Variants in TRDN observed in about 807,000 individuals in gnomAD.
TRDN encodes the protein triadin.
TRDN carries 161 observed loss-of-function variants against 149.7 expected under a neutral mutation model. That is an observed-to-expected ratio of 1.08 (90% CI 0.95 to 1.23). The LOEUF is 1.23. Ranked by LOEUF, TRDN falls within the 50% of genes most tolerant of loss-of-function variation. The pLI is 0.00. For synonymous variants in TRDN, 294 were observed against 250.5 expected (o/e 1.17, Z -1.64); for missense variants, 896 against 823.5 (o/e 1.09, Z -1.08).
intron 26 of TRDN, among the ~76,000 whole-genome samples, chr6:123,274,895 G>C (rs1777319903): frequency 6.6e-6 from 1 of 151,952 alleles, no homozygotes; most frequent in Non-Finnish European, 1.5e-5. Context: ...GTTTTACACT[G>C]GTTTGCCAAT....
chr6:123,254,372 T>C (rs1298060911), intron 37 of TRDN, among the ~76,000 whole-genome samples: 1 of 152,038 alleles, frequency 6.6e-6, no homozygotes, highest in Non-Finnish European at 1.5e-5. Flanking sequence ...CAGTGAGCAG[T>C]AAAAGGGAGT....
chr6:123,617,494 G>T lies in TRDN; in HGVS notation c.22+19260C>A, dbSNP rs139633699. 2.8e-3 allele frequency among the ~76,000 whole-genome samples: 429 copies of T among 152,112 alleles called. 2 individuals are homozygous for T. The highest frequency in any genetic ancestry group is 9.8e-3 in the African/African-American group (407 of 41,514). On this transcript the variant is annotated intron_variant, in intron 1 of 40. Transcript: ENST00000334268. ...ATATATTAGTGGAAAAAAAAATAAA[G>T]TGCCTCTCTAATTTTGCTGATTATT...
intron 1 of TRDN, among the ~76,000 whole-genome samples, chr6:123,572,061 T>C (rs1447381623): frequency 1.3e-5 from 2 of 152,148 alleles, no homozygotes; most frequent in Non-Finnish European, 2.9e-5. Flanking sequence ...AGTTAGTATC[T>C]TTTAAAAATT....
At chr6:123,435,248 G>C (rs1232085399) in intron 12 of TRDN, among the ~76,000 whole-genome samples, 1 of 151,888 alleles carries the variant, frequency 6.6e-6, no homozygotes, top group Non-Finnish European at 1.5e-5. Flanking sequence ...TGGGGCTACA[G>C]TAGTGAGATC....
At chr6:123,308,939 T>C (rs574181510) in intron 24 of TRDN, among the ~76,000 whole-genome samples, 2 of 152,036 alleles carry the variant, frequency 1.3e-5, no homozygotes, top group Non-Finnish European at 2.9e-5. Context: ...TACTGAACAT[T>C]AGTCATGGCT....
intron 9 of TRDN, chr6:123,470,516 G>A (rs9490778): frequency 0.013 from 1,958 of 152,282 alleles, 39 homozygotes; most frequent in African/African-American, 0.044. Context: ...TTCAGATTTC[G>A]TAAATGAATG....
chr6:123,439,012 TA>T lies in TRDN; in HGVS notation c.932-10del. The T allele has an allele frequency of 1.3e-6, 2 of 1,542,964 alleles. No homozygotes were observed. Among genetic ancestry groups the T allele is most frequent in the South Asian group, 2.4e-5 (2 of 81,936 alleles). On this transcript the variant is annotated splice_polypyrimidine_tract_variant and intron_variant, in intron 10 of 40. Transcript: ENST00000334268. ...CTTTTCCCCTTCTTTTTCTAGAGAATACATTTAAAATATTTCCTTTAGGGAA... is the reference window on the plus strand; with the variant it reads ...CTTTTCCCCTTCTTTTTCTAGAGAATCATTTAAAATATTTCCTTTAGGGAA...
intron 2 of TRDN, among the ~76,000 whole-genome samples, chr6:123,558,371 C>T (rs1562387589): frequency 6.6e-6 from 1 of 152,134 alleles, no homozygotes; most frequent in South Asian, 2.1e-4. Context: ...ATCACCTCCC[C>T]TCCTCACACC....
chr6:123,234,160 G>GT (rs1268261912), intron 38 of TRDN, among the ~76,000 whole-genome samples: 1 of 151,982 alleles, frequency 6.6e-6, no homozygotes, highest in African/African-American at 2.4e-5. Context: ...ACTACCCTAT[G>GT]ATACCATCTG....
At chr6:123,259,265 G>A (rs960153263) in intron 35 of TRDN, among the ~76,000 whole-genome samples, 2 of 151,182 alleles carry the variant, frequency 1.3e-5, no homozygotes, top group Non-Finnish European at 3.0e-5. Context: ...CACTTTCTCT[G>A]TATCAGAGTA....
intron 24 of TRDN, among the ~76,000 whole-genome samples, chr6:123,294,156 T>G (rs1016147833): frequency 6.6e-6 from 1 of 152,160 alleles, no homozygotes; most frequent in Non-Finnish European, 1.5e-5. Context: ...AAGTTAATAA[T>G]AAAACATGCT....
At chr6:123,472,431 A>G (rs1378057862) in intron 9 of TRDN, among the ~76,000 whole-genome samples, 2 of 152,196 alleles carry the variant, frequency 1.3e-5, no homozygotes, top group African/African-American at 4.8e-5. Flanking sequence ...GGAGGGTCCT[A>G]CGCCCACGGA....
chr6:123,457,719 C>A, intron 10 of TRDN: 2 of 299,616 alleles, frequency 6.7e-6, no homozygotes, highest in Non-Finnish European at 1.3e-5. Context: ...TTACCTCAGG[C>A]CAAGCCCTAG....
chr6:123,254,910 T>C (rs1454640185), intron 37 of TRDN, 171 bp downstream of exon 37: 1 of 550,624 alleles, frequency 1.8e-6, no homozygotes, highest in African/African-American at 1.9e-5. Flanking sequence ...TTATTTTCTA[T>C]TGAAATATAA....
intron 10 of TRDN, chr6:123,462,916 C>T (rs1203472752): frequency 6.6e-6 from 1 of 152,154 alleles, no homozygotes; most frequent in East Asian, 1.9e-4. Context: ...ATAGACTCCC[C>T]GAGCTGCTCA....
At chr6:123,552,443 G>A (rs201376043) in intron 2 of TRDN, among the ~76,000 whole-genome samples, 2 of 152,072 alleles carry the variant, frequency 1.3e-5, no homozygotes, top group East Asian at 1.9e-4. Context: ...ATCAGTCTTA[G>A]AGTGTGTAGG....
At chr6:123,366,950 C>T (rs1781125253) in intron 19 of TRDN, among the ~76,000 whole-genome samples, 1 of 152,168 alleles carries the variant, frequency 6.6e-6, no homozygotes, top group African/African-American at 2.4e-5. Context: ...CAATATTTGA[C>T]CTCAATGAAT....
At chr6:123,628,835 T>C (rs983050996) in intron 1 of TRDN, among the ~76,000 whole-genome samples, 2 of 152,110 alleles carry the variant, frequency 1.3e-5, no homozygotes, top group Non-Finnish European at 2.9e-5. Context: ...AAATATTGAA[T>C]AAAACCAAAC....
chr6:123,241,538 A>G (rs1775988800), intron 38 of TRDN, among the ~76,000 whole-genome samples: 1 of 151,794 alleles, frequency 6.6e-6, no homozygotes, highest in Non-Finnish European at 1.5e-5. Context: ...ATATTTATAA[A>G]GGAAGGAAAA....
Sources: gnomAD v4.1 joint callset for allele counts (sites outside exome capture counted in the v4.1 genomes callset) on GRCh38, gnomAD v4.1.1 for gene constraint, MANE v1.5 for transcripts, NCBI Gene and HGNC (gene_info 2026-07-23, HGNC 2026-07-21) for gene names.